The following SUPT3H variants were observed in gnomAD, a reference collection of about 807,000 sequenced individuals.
SUPT3H encodes the protein SPT3 homolog, SAGA and STAGA complex component.
Under a neutral mutation model 44.3 loss-of-function variants are expected in SUPT3H, and 44 were observed. The observed-to-expected ratio is 0.99, with a 90% CI of 0.78 to 1.28. The LOEUF (loss-of-function observed/expected upper bound fraction) is 1.28, where lower values mean the gene tolerates loss of function less well. SUPT3H is among the 50% of genes most tolerant of loss of function. The pLI is 0.00. For synonymous variants in SUPT3H, 124 were observed against 125.6 expected (o/e 0.99, Z 0.09); for missense variants, 380 against 387.1 (o/e 0.98, Z 0.15).
intron 10 of SUPT3H, among the ~76,000 whole-genome samples, chr6:44,882,406 CAA>C (rs1004477332): frequency 6.6e-6 from 1 of 152,054 alleles, no homozygotes; most frequent in African/African-American, 2.4e-5. Flanking sequence ...GCCTACCAAC[CAA>C]AAAGAGTCCA....
At chr6:45,258,548 G>A (rs1773789010) in intron 2 of SUPT3H, among the ~76,000 whole-genome samples, 1 of 152,124 alleles carries the variant, frequency 6.6e-6, no homozygotes, top group Non-Finnish European at 1.5e-5. Context: ...CAGATTTAAA[G>A]AGTTATCATT....
At chr6:44,888,854 T>C (rs1420092210) in intron 10 of SUPT3H, among the ~76,000 whole-genome samples, 1 of 149,630 alleles carries the variant, frequency 6.7e-6, no homozygotes, top group African/African-American at 2.5e-5. Context: ...CATGATTGTA[T>C]ATCTAGAAAA....
intron 6 of SUPT3H, among the ~76,000 whole-genome samples, chr6:44,971,813 C>A (rs1012047026): frequency 3.9e-5 from 6 of 152,006 alleles, no homozygotes; most frequent in Non-Finnish European, 7.4e-5. Flanking sequence ...CACTCTGTCG[C>A]CCAGGCTGGA....
chr6:44,955,795 T>A (rs896159236), intron 7 of SUPT3H, among the ~76,000 whole-genome samples: 2 of 152,100 alleles, frequency 1.3e-5, no homozygotes, highest in Non-Finnish European at 1.5e-5. Context: ...GCTCGGGTGA[T>A]GGGTGCACCA....
chr6:45,357,754 A>C (rs1793503317), intron 2 of SUPT3H, among the ~76,000 whole-genome samples: 1 of 152,166 alleles, frequency 6.6e-6, no homozygotes, highest in African/African-American at 2.4e-5. Flanking sequence ...AGCTACCAGA[A>C]ATTTTGTAAA....
At chr6:45,183,855 C>T (rs560339823) in intron 2 of SUPT3H, among the ~76,000 whole-genome samples, 4 of 152,054 alleles carry the variant, frequency 2.6e-5, no homozygotes, top group Non-Finnish European at 4.4e-5. Context: ...GATTCTGATA[C>T]AACATTCTGA....
intron 2 of SUPT3H, among the ~76,000 whole-genome samples, chr6:45,252,482 C>A (rs1219665959): frequency 2.7e-5 from 4 of 146,782 alleles, no homozygotes; most frequent in Admixed American, 2.0e-4. Context: ...AGCTCAGTTC[C>A]ATTGAATAAT....
At chr6:45,177,004 C>T (rs1812062084) in intron 2 of SUPT3H, among the ~76,000 whole-genome samples, 1 of 152,204 alleles carries the variant, frequency 6.6e-6, no homozygotes, top group Admixed American at 6.5e-5. Flanking sequence ...CTCTAAAAAA[C>T]AGAGTGCCTC....
At chr6:45,185,013 T>C (rs1042565190) in intron 2 of SUPT3H, among the ~76,000 whole-genome samples, 1 of 152,126 alleles carries the variant, frequency 6.6e-6, no homozygotes, top group African/African-American at 2.4e-5. Context: ...TACCCAACAG[T>C]AGTCAATCAG....
At chr6:45,159,352 T>C (rs1427895598) in intron 2 of SUPT3H, 1 of 152,160 alleles carries the variant, frequency 6.6e-6, no homozygotes, top group Non-Finnish European at 1.5e-5. Context: ...TATTCGAAAT[T>C]ACTTAATTGG....
At chr6:44,818,195 C>A (rs1184021848) in intron 11 of SUPT3H, among the ~76,000 whole-genome samples, 2 of 152,032 alleles carry the variant, frequency 1.3e-5, no homozygotes, top group African/African-American at 4.8e-5. Flanking sequence ...GGTAATTCAA[C>A]ACAGAAAGGA....
intron 3 of SUPT3H, among the ~76,000 whole-genome samples, chr6:45,063,676 AG>A (rs760642202): frequency 0.031 from 757 of 24,736 alleles, 6 homozygotes; most frequent in Middle Eastern, 0.086. Flanking sequence ...AAGCCTCAGG[AG>A]CTGATGTGAT....
At chr6:45,209,821 C>T (rs569708910) in intron 2 of SUPT3H, among the ~76,000 whole-genome samples, 1 of 152,238 alleles carries the variant, frequency 6.6e-6, no homozygotes, top group Non-Finnish European at 1.5e-5. Flanking sequence ...TTTGTGAAAG[C>T]AAAAGCCAAC....
intron 3 of SUPT3H, among the ~76,000 whole-genome samples, chr6:45,041,742 C>T (rs1348767470): frequency 6.6e-6 from 1 of 152,012 alleles, no homozygotes; most frequent in East Asian, 1.9e-4. Context: ...GTCAGTAGTC[C>T]TAGGTACAGG....
At chr6:45,248,638 G>C (rs1323419325) in intron 2 of SUPT3H, among the ~76,000 whole-genome samples, 2 of 152,050 alleles carry the variant, frequency 1.3e-5, no homozygotes, top group African/African-American at 4.8e-5. Flanking sequence ...CTCATACATT[G>C]GTCAGGCGTG....
chr6:44,930,860 T>G (rs191127347), intron 10 of SUPT3H, among the ~76,000 whole-genome samples: 1 of 152,344 alleles, frequency 6.6e-6, no homozygotes, highest in Admixed American at 6.5e-5. Flanking sequence ...ATTCTTTATG[T>G]TTATTAGATC....
chr6:45,212,682 A>C (rs896780565), intron 2 of SUPT3H, among the ~76,000 whole-genome samples: 1 of 152,190 alleles, frequency 6.6e-6, no homozygotes, highest in African/African-American at 2.4e-5. Flanking sequence ...ACCTAAAAAT[A>C]ATCTTTTTCT....
intron 9 of SUPT3H, among the ~76,000 whole-genome samples, chr6:44,948,056 A>G (rs1279992714): frequency 6.6e-6 from 1 of 152,182 alleles, no homozygotes; most frequent in Non-Finnish European, 1.5e-5. Context: ...TTAAATAGGG[A>G]ATCCTTTACC....
At chr6:44,956,053 T>G (rs1311572241) in intron 7 of SUPT3H, among the ~76,000 whole-genome samples, 1 of 147,334 alleles carries the variant, frequency 6.8e-6, no homozygotes. Flanking sequence ...ACCTGGGAGG[T>G]GGAGCTTACA....
Sources: allele counts gnomAD v4.1 joint callset (sites outside exome capture counted in the v4.1 genomes callset), GRCh38; gene constraint gnomAD v4.1.1; transcripts MANE v1.5; gene names NCBI Gene and HGNC (gene_info 2026-07-23, HGNC 2026-07-21).